Variants in PRRT3 observed in about 807,000 individuals in gnomAD.
PRRT3 encodes the protein proline-rich transmembrane protein 3.
PRRT3 carries 48 observed loss-of-function variants against 56.6 expected under a neutral mutation model. That is an observed-to-expected ratio of 0.85 (90% confidence interval 0.67 to 1.08). The LOEUF (loss-of-function observed/expected upper bound fraction) is 1.08. PRRT3 is among the 50% of genes least tolerant of loss of function. The probability of loss-of-function intolerance (pLI) is 0.00; values close to 1 mark genes in which losing one functional copy is unlikely to be tolerated. For synonymous variants in PRRT3, 641 were observed against 619.1 expected (o/e 1.04, Z -0.52); for missense variants, 1,370 against 1,353.1 (o/e 1.01, Z -0.20).
Position 9,946,976 on chromosome 3 carries a change from G to GT in PRRT3, c.2196dup (p.Pro733ThrfsTer3), listed in dbSNP as rs2085536064. 6.5e-7 allele frequency: 1 copy of GT among 1,543,970 alleles called. No homozygotes were observed. Among genetic ancestry groups the GT allele is most frequent in the Non-Finnish European group, 8.7e-7 (1 of 1,149,570 alleles). On this transcript the variant is annotated frameshift_variant, in exon 4 of 4. Transcript: ENST00000412055. LOFTEE classifies it high-confidence loss of function. The surrounding 1 kb of genome is among the most constrained non-coding windows in gnomAD (Gnocchi z 4.1). ...CTGGGCCCTGCATAGCAGTTATTGG[G>GT]TCGCTCCGGCACCTCGCTCTTTCCT...
chr3:9,950,518 T>C (rs2085605994), intron 1 of PRRT3, among the ~76,000 whole-genome samples: 1 of 150,976 alleles, frequency 6.6e-6, no homozygotes. Flanking sequence ...TCCTGTTCTT[T>C]TTGAGACGGA....
In PRRT3 at chr3:9,947,093, C is replaced by G. The variant is rs757721149; in HGVS notation, c.2080G>C (p.Ala694Pro). The change falls in exon 4 of 4, where the codon GCG becomes CCG. Residue 694 changes from alanine to proline, a missense_variant. Ala to Pro is a conservative substitution (Grantham distance 27, BLOSUM62 -1). Transcript: ENST00000412055. The surrounding 1 kb of genome is among the most constrained non-coding windows in gnomAD (Gnocchi z 9.2). ...CTCGCGGCAGCCACCGCGGCCAACG[C>G]CAGGGCGAGCGCCCATGTCAGCTCC... ...LLELTWALAL[A>P]LAAVAAARPR... is the part of the protein sequence containing the mutation. 1.0e-5 allele frequency: 16 copies of G among 1,535,900 alleles called. 1 individual carries two copies. In the South Asian group the frequency reaches 1.9e-4, roughly 18 times the overall value.
chr3:9,947,760 C>G lies in PRRT3; in HGVS notation c.1413G>C (p.Trp471Cys). The G allele has an allele frequency of 6.6e-7, 1 of 1,506,524 alleles. No individual in the cohort carries two copies. The highest frequency in any genetic ancestry group is 1.3e-5 in the South Asian group (1 of 74,556). The allele number at this position is 1,506,524 out of a possible 1,614,324, so 93.3% of individuals were successfully genotyped here. ...GPLRRVLSFS[W>C]ELHVYGVGVL... ...CCCCCACCCCGTAGACGTGCAGCTC[C>G]CAGGAGAAGCTCAGGACCCGCCGAA... is the stretch of plus-strand genomic sequence containing the variant. Residue 471 changes from tryptophan (W) to cysteine (C), a missense_variant, in exon 4 of 4, where the codon TGG becomes TGC. Transcript: ENST00000412055. The surrounding 1 kb of genome is among the most constrained non-coding windows in gnomAD (Gnocchi z 9.2).
intron 1 of PRRT3, 31 bp downstream of exon 1, chr3:9,952,291 C>T (rs1575665450): frequency 6.6e-6 from 1 of 152,448 alleles, no homozygotes; most frequent in Non-Finnish European, 1.5e-5. Flanking sequence ...CGGGGTCCCG[C>T]CATCGCCCCC....
Position 9,946,377 on chromosome 3 carries a change from A to T in PRRT3, c.2796T>A (p.Asp932Glu). 1 of 1,608,686 alleles carries T rather than the reference A, an allele frequency of 6.2e-7. No homozygotes were observed. Among genetic ancestry groups the T allele is most frequent in the Non-Finnish European group, 8.5e-7 (1 of 1,177,060 alleles). ...GTAGCTGTACCGTGCTGGGCAACTC[A>T]TCTAGGGGCAGACTGTCCACTGATG... ...GLSSVDSLPL[D>E]ELPSTVQLLP... Residue 932 changes from aspartate to glutamate, a missense_variant, in exon 4 of 4, where the codon GAT becomes GAA. Coordinates refer to ENST00000412055, the MANE Select transcript of PRRT3 (RefSeq NM_207351.5). This position sits in a 1 kb window ranked among gnomAD's most constrained non-coding sequence, Gnocchi z 4.1.
chr3:9,946,015 G>T lies in PRRT3; in HGVS notation c.*212C>A. On this transcript the variant is annotated 3_prime_UTR_variant, in exon 4 of 4. Transcript: ENST00000412055. This position sits in a 1 kb window ranked among gnomAD's most constrained non-coding sequence, Gnocchi z 4.1. ...GGCTAATTTTTTTGTATTTTTAGTA[G>T]AGACGAGGGTTTCGCTATGTTCGAG... 2 of 665,684 alleles carry T rather than the reference G, an allele frequency of 3.0e-6. No individual in the cohort carries two copies. Among genetic ancestry groups the T allele is most frequent in the Non-Finnish European group, 4.7e-6 (2 of 424,638 alleles). 41.2% of individuals were successfully genotyped at this position (665,684 alleles called of 1,614,324 possible).
chr3:9,951,964 C>T (rs1371850039), intron 1 of PRRT3, among the ~76,000 whole-genome samples: 1 of 152,232 alleles, frequency 6.6e-6, no homozygotes, highest in Admixed American at 6.5e-5. Flanking sequence ...ACTGCCAACC[C>T]AAGAGATGTG....
intron 1 of PRRT3, among the ~76,000 whole-genome samples, chr3:9,951,969 G>A (rs2085625929): frequency 6.6e-6 from 1 of 152,244 alleles, no homozygotes; most frequent in African/African-American, 2.4e-5. Flanking sequence ...CAACCCAAGA[G>A]ATGTGGGCAC....
In PRRT3 at chr3:9,946,768, A is replaced by G. The variant is rs1368773903; in HGVS notation, c.2405T>C (p.Leu802Pro). The change falls in exon 4 of 4, where the codon CTG (leucine) becomes CCG (proline). Residue 802 changes from leucine (L) to proline (P), a missense_variant. Transcript: ENST00000412055. This position sits in a 1 kb window ranked among gnomAD's most constrained non-coding sequence, Gnocchi z 4.1. ...GVGPAPSLSE[L>P]DLRPPSPINL... is the part of the protein sequence containing the mutation. ...GATGGGCGATGGCGGCCGCAGATCCAGCTCGCTCAGCGATGGCGCCGGTCC... is the reference window on the plus strand; with the variant it reads ...GATGGGCGATGGCGGCCGCAGATCCGGCTCGCTCAGCGATGGCGCCGGTCC... The G allele has an allele frequency of 3.2e-6, 5 of 1,542,118 alleles. No individual in the cohort carries two copies. Among genetic ancestry groups the G allele is most frequent in the Admixed American group, 1.9e-5 (1 of 51,680 alleles).
In PRRT3 at chr3:9,949,812, C is replaced by A. The variant is rs775984675; in HGVS notation, c.304G>T (p.Ala102Ser). 6.2e-7 allele frequency: 1 copy of A among 1,613,988 alleles called. No individual in the cohort carries two copies. Among genetic ancestry groups the A allele is most frequent in the Non-Finnish European group, 8.5e-7 (1 of 1,179,994 alleles). The change falls in exon 2 of 4, where the codon GCA becomes TCA. Residue 102 changes from alanine (A) to serine (S), a missense_variant. Ala to Ser is a moderately conservative substitution (Grantham distance 99). Transcript: ENST00000412055. The surrounding 1 kb of genome is among the most constrained non-coding windows in gnomAD (Gnocchi z 4.5). ...AGTCGTTCTCTCTGAGCTCCTTGTG[C>A]TGCTTTGGGCCCGTACAGGGCTGGG... ...LGPALYGPKA[A>S]QGAQRERLPV...
chr3:9,949,745 G>A lies in PRRT3; in HGVS notation c.371C>T (p.Ser124Phe), dbSNP rs73118392. 13,832 of 1,614,134 alleles carry A rather than the reference G, an allele frequency of 8.6e-3. 1,020 individuals carry two copies. In the African/African-American group the frequency reaches 0.16, roughly 19 times the overall value. Residue 124 changes from serine (S) to phenylalanine (F), a missense_variant, in exon 2 of 4, where the codon TCC becomes TTC. Coordinates refer to ENST00000412055, the MANE Select transcript of PRRT3 (RefSeq NM_207351.5). The surrounding 1 kb of genome is among the most constrained non-coding windows in gnomAD (Gnocchi z 4.5). ...GTCCAGAGGTCCTGTCCAGCCGTGG[G>A]AGCTTGGTCCTTGAGCCATCTGGAG... ...DDLQMAQGPS[S>F]HGWTGPLDSQ...
Position 9,946,877 on chromosome 3 carries a change from T to G in PRRT3, c.2296A>C (p.Thr766Pro). The change falls in exon 4 of 4, where the codon ACG (threonine) becomes CCG (proline). Residue 766 changes from threonine to proline, a missense_variant. Transcript: ENST00000412055. The surrounding 1 kb of genome is among the most constrained non-coding windows in gnomAD (Gnocchi z 4.1). Reference protein sequence around the residue: ...RNPAESGQLATPSSGAWGSAA... With the variant: ...RNPAESGQLAPPSSGAWGSAA... ...GAGCCCCAGGCGCCTGAACTGGGCG[T>G]GGCCAGCTGCCCACTCTCCGCCGGG... The G allele has an allele frequency of 2.6e-6, 4 of 1,539,018 alleles. No individual in the cohort carries two copies. The highest frequency in any genetic ancestry group is 2.6e-6 in the Non-Finnish European group (3 of 1,148,190).
chr3:9,948,776 T>TG lies in PRRT3; in HGVS notation c.1152dup (p.Met385HisfsTer8). 6.2e-7 allele frequency: 1 copy of TG among 1,613,794 alleles called. No individual in the cohort carries two copies. The highest frequency in any genetic ancestry group is 1.3e-5 in the African/African-American group (1 of 74,962). On this transcript the variant is annotated frameshift_variant, in exon 3 of 4. Transcript: ENST00000412055. LOFTEE classifies it high-confidence loss of function. ...CTCTCACCTGGCTGCAGGGCCCCCATGGGGCTCTCTGTTCGGTTTACAGCT... is the reference window on the plus strand; with the variant it reads ...CTCTCACCTGGCTGCAGGGCCCCCATGGGGGCTCTCTGTTCGGTTTACAGCT...
rs368800619 is a variant in PRRT3, at chr3:9,949,924, G to A, written c.192C>T (p.Asn64=). 4 of 1,610,356 alleles carry A rather than the reference G, an allele frequency of 2.5e-6. No homozygotes were observed. The highest frequency in any genetic ancestry group is 4.5e-5 in the East Asian group (2 of 44,822). ...EPQAFDVFPE[N]PRADSHRNSD... ...AGTTCCTGTGACTGTCAGCTCTGGG[G>A]TTCTCCGGGAACACGTCAAAGGCCT... The change falls in exon 2 of 4, where the codon AAC becomes AAT. Residue 64 remains asparagine, a synonymous_variant. Coordinates refer to ENST00000412055, the MANE Select transcript of PRRT3 (RefSeq NM_207351.5). This position sits in a 1 kb window ranked among gnomAD's most constrained non-coding sequence, Gnocchi z 4.5.
chr3:9,945,821 C>CCTTTTTTTTTTTTTTTTTTTT lies in PRRT3; in HGVS notation c.*405_*406insAAAAAAAAAAAAAAAAAAAAG, dbSNP rs2085504800. The CCTTTTTTTTTTTTTTTTTTTT allele has an allele frequency of 1.8e-5, 1 of 56,908 alleles. No homozygotes were observed. Among genetic ancestry groups the CCTTTTTTTTTTTTTTTTTTTT allele is most frequent in the African/African-American group, 6.4e-5 (1 of 15,564 alleles). The allele number at this position is 56,908 out of a possible 1,614,324, so 3.5% of individuals were successfully genotyped here. On this transcript the variant is annotated 3_prime_UTR_variant, in exon 4 of 4. Transcript: ENST00000412055. ...GTCAGGTAGAGAGGCCTGGGGATGC[C>CCTTTTTTTTTTTTTTTTTTTT]TTTTTTTTTTTTTTTTTTTTTTTTT...
At position 9,950,302 on chromosome 3, in the gene PRRT3, C is replaced by T. The variant is rs143609221; in HGVS notation, c.-57-130G>A. On this transcript the variant is annotated intron_variant, in intron 1 of 3. Coordinates refer to ENST00000412055, the MANE Select transcript of PRRT3 (RefSeq NM_207351.5). ...CTGCTTTTAAAATTGCTGGACGTGG[C>T]ACTTGCCCTGCTTTAAAACCTTCAG... is the stretch of plus-strand genomic sequence containing the variant. The T allele has an allele frequency of 2.6e-3, 1,061 of 410,652 alleles. 13 individuals are homozygous for T. The highest frequency in any genetic ancestry group is 0.025 in the South Asian group (215 of 8,492). 25.4% of individuals were successfully genotyped at this position (410,652 alleles called of 1,614,324 possible).
At position 9,947,915 on chromosome 3, in the gene PRRT3, TGAGGCCCCGGCGTGACGTC is replaced by T; in HGVS notation, c.1239_1257del (p.Thr414PhefsTer48). The T allele has an allele frequency of 7.0e-7, 1 of 1,419,268 alleles. No homozygotes were observed. The highest frequency in any genetic ancestry group is 9.2e-7 in the Non-Finnish European group (1 of 1,089,780). The allele number at this position is 1,419,268 out of a possible 1,614,324, so 87.9% of individuals were successfully genotyped here. On this transcript the variant is annotated frameshift_variant, in exon 4 of 4. Coordinates refer to ENST00000412055, the MANE Select transcript of PRRT3 (RefSeq NM_207351.5). LOFTEE classifies it high-confidence loss of function. This position sits in a 1 kb window ranked among gnomAD's most constrained non-coding sequence, Gnocchi z 9.2. ...AGGGCTCGCTGCGTGGTGACTCGAA[TGAGGCCCCGGCGTGACGTC>T]GAGGGGGCCTGGACTGGGGGTGCTG...
At position 9,947,057 on chromosome 3, in the gene PRRT3, G is replaced by T; in HGVS notation, c.2116C>A (p.Pro706Thr). ...AAVAAARPRPPTEHACWAKLM... is the reference protein window; with the variant it reads ...AAVAAARPRPTTEHACWAKLM... ...TTAGCCCAGCAAGCGTGCTCCGTGGGCGGCCTGGGTCTCGCGGCAGCCACC... is the reference window on the plus strand; with the variant it reads ...TTAGCCCAGCAAGCGTGCTCCGTGGTCGGCCTGGGTCTCGCGGCAGCCACC... The change falls in exon 4 of 4, where the codon CCC becomes ACC. Residue 706 changes from proline (P) to threonine (T), a missense_variant. By Grantham distance (38) the Pro-to-Thr change is conservative. Transcript: ENST00000412055. This position sits in a 1 kb window ranked among gnomAD's most constrained non-coding sequence, Gnocchi z 9.2. 6.5e-7 allele frequency: 1 copy of T among 1,534,730 alleles called. No individual in the cohort carries two copies. Among genetic ancestry groups the T allele is most frequent in the Non-Finnish European group, 8.7e-7 (1 of 1,145,108 alleles).
Position 9,946,269 on chromosome 3 carries a change from A to C in PRRT3, c.2904T>G (p.Pro968=). The C allele has an allele frequency of 3.7e-6, 6 of 1,612,644 alleles. No homozygotes were observed. Among genetic ancestry groups the C allele is most frequent in the Non-Finnish European group, 5.1e-6 (6 of 1,179,822 alleles). ...CACTGGAGGCGCTGCGGGATTCCCCAGGCTTGCCGCGCGGCTGGACCTCTC... is the reference window on the plus strand; with the variant it reads ...CACTGGAGGCGCTGCGGGATTCCCCCGGCTTGCCGCGCGGCTGGACCTCTC... ...GQGEVQPRGK[P]GESRSASSDT... is the part of the protein sequence containing the mutation. The change falls in exon 4 of 4, where the codon CCT becomes CCG. Residue 968 remains proline, a synonymous_variant. Transcript: ENST00000412055. The surrounding 1 kb of genome is among the most constrained non-coding windows in gnomAD (Gnocchi z 4.1).
Sources: allele counts gnomAD v4.1 joint callset (sites outside exome capture counted in the v4.1 genomes callset), GRCh38; gene constraint gnomAD v4.1.1; non-coding constraint Gnocchi (gnomAD v3.1); transcripts MANE v1.5; gene names NCBI Gene and HGNC (gene_info 2026-07-23, HGNC 2026-07-21).